Variants in SBNO1 observed in about 807,000 individuals in gnomAD.
SBNO1 encodes the protein protein strawberry notch homolog 1.
In SBNO1, 23 loss-of-function variants were observed where a neutral mutation model predicts 173.6. The observed-to-expected ratio is 0.13, with a 90% CI of 0.10 to 0.19. The LOEUF (loss-of-function observed/expected upper bound fraction) is 0.19. Among genes scored for constraint, SBNO1 ranks in the 10% least tolerant of loss-of-function variants. SBNO1 has a pLI of 1.00. For synonymous variants in SBNO1, 632 were observed against 571.5 expected, an observed-to-expected ratio of 1.11 and a Z score of -1.51; for missense variants, 1,238 against 1,671.2, an observed-to-expected ratio of 0.74 and a Z score of 4.52.
chr12:123,314,676 T>C (rs1183242072), intron 23 of SBNO1, among the ~76,000 whole-genome samples: 2 of 151,528 alleles, frequency 1.3e-5, no homozygotes, highest in Non-Finnish European at 2.9e-5. Context: ...CTTGCCCTAT[T>C]GCCCAGGCTG....
intron 1 of SBNO1, among the ~76,000 whole-genome samples, chr12:123,362,324 T>C (rs1261357795): frequency 6.8e-6 from 1 of 146,828 alleles, no homozygotes; most frequent in Non-Finnish European, 1.5e-5. Context: ...TAATCCCAGC[T>C]ACTTGGGAGG....
intron 16 of SBNO1, among the ~76,000 whole-genome samples, chr12:123,322,194 A>G (rs1350696938): frequency 1.3e-5 from 2 of 152,164 alleles, no homozygotes; most frequent in Non-Finnish European, 2.9e-5. Context: ...GTGCAGTGGC[A>G]CAATCATAGC....
Position 123,336,429 on chromosome 12 carries a change from A to G in SBNO1, c.714T>C (p.His238=), listed in dbSNP as rs766490372. 38 of 1,611,954 alleles carry G rather than the reference A, an allele frequency of 2.4e-5. No individual in the cohort carries two copies. The highest frequency in any genetic ancestry group is 3.1e-5 in the Non-Finnish European group (37 of 1,178,540). ...GCATGTATTCTGCATAGGTTTCTGC[A>G]TGACCCATTTCTTCTTCATCTTCTT... is the stretch of plus-strand genomic sequence containing the variant. ...PEEEDEEEMG[H]AETYAEYMPI... The change falls in exon 6 of 32, where the codon CAT becomes CAC. Residue 238 remains histidine, a synonymous_variant. Coordinates refer to ENST00000602398, the MANE Select transcript of SBNO1 (RefSeq NM_001167856.3).
chr12:123,302,229 G>GAAAAA (rs1555244621), intron 30 of SBNO1, among the ~76,000 whole-genome samples: 2 of 136,356 alleles, frequency 1.5e-5, no homozygotes, highest in East Asian at 2.2e-4. Context: ...CACCACACCT[G>GAAAAA]GCCTTATTGT....
chr12:123,359,795 C>T (rs1210789197), intron 1 of SBNO1, among the ~76,000 whole-genome samples: 1 of 152,068 alleles, frequency 6.6e-6, no homozygotes, highest in Admixed American at 6.6e-5. Flanking sequence ...CAGTGGTATC[C>T]CTAAGGTTGT....
Position 123,364,802 on chromosome 12 carries a change from C to T in SBNO1, c.-102G>A. On this transcript the variant is annotated 5_prime_UTR_variant, in exon 1 of 32. Transcript: ENST00000602398. ...GAGGCGGCGGTGGCGGCGGCAGCAG[C>T]GGCGTCCTGCTCTGCCTACCTCCCC... 1.0e-6 allele frequency: 1 copy of T among 987,408 alleles called. No individual in the cohort carries two copies. Among genetic ancestry groups the T allele is most frequent in the Non-Finnish European group, 1.2e-6 (1 of 831,052 alleles). The allele number at this position is 987,408 out of a possible 1,614,324, so 61.2% of individuals were successfully genotyped here. A position where few individuals can be genotyped will look rare whatever the true frequency, so the allele number is the denominator to read the frequency against.
At chr12:123,354,757 T>A (rs1345843435) in intron 1 of SBNO1, among the ~76,000 whole-genome samples, 1 of 152,192 alleles carries the variant, frequency 6.6e-6, no homozygotes, top group Non-Finnish European at 1.5e-5. Context: ...ACAAGAGAAC[T>A]GTGTTAGTGT....
At chr12:123,344,825 G>C (rs903537910) in intron 4 of SBNO1, among the ~76,000 whole-genome samples, 1 of 152,050 alleles carries the variant, frequency 6.6e-6, no homozygotes, top group Non-Finnish European at 1.5e-5. Flanking sequence ...CTCCAGTCTG[G>C]GTGACAGACT....
At chr12:123,303,043 A>G (rs2048834346) in intron 29 of SBNO1, 143 bp from the exon 30 acceptor site, 2 of 629,164 alleles carry the variant, frequency 3.2e-6, no homozygotes, top group Non-Finnish European at 5.7e-6. Context: ...CTGAATCTGA[A>G]CGCCATTTGA....
intron 30 of SBNO1, 151 bp from the exon 31 acceptor site, chr12:123,298,322 A>G (rs570242100): frequency 4.2e-6 from 3 of 717,290 alleles, no homozygotes; most frequent in South Asian, 1.9e-5. Context: ...ACTGGAGCGC[A>G]GTGGTGCGAT....
chr12:123,359,264 T>G (rs1290100198), intron 1 of SBNO1, among the ~76,000 whole-genome samples: 3 of 149,882 alleles, frequency 2.0e-5, no homozygotes, highest in African/African-American at 4.9e-5. Context: ...TAGCTCAGTA[T>G]AGGCTGAGTG....
At chr12:123,338,154 G>A (rs539980014) in intron 5 of SBNO1, among the ~76,000 whole-genome samples, 1 of 152,318 alleles carries the variant, frequency 6.6e-6, no homozygotes, top group Non-Finnish European at 1.5e-5. Context: ...ACGTGGGCCT[G>A]GGGTTGTCAG....
At chr12:123,354,162 A>T (rs919311220) in intron 1 of SBNO1, among the ~76,000 whole-genome samples, 1 of 152,154 alleles carries the variant, frequency 6.6e-6, no homozygotes. Context: ...GGTTATAAAT[A>T]ACATTATCGG....
Position 123,323,690 on chromosome 12 carries a change from C to A in SBNO1, c.2115G>T (p.Lys705Asn). ...RDSPCKENKI[K>N]KRKGEEITRE... ...TTTTAAAGTGCTCACCTTTCCGCTT[C>A]TTTATTTTATTTTCTTTACAAGGAC... The change falls in exon 16 of 32, where the codon AAG (lysine) becomes AAT (asparagine). Residue 705 changes from lysine (K) to asparagine (N), a missense_variant. By Grantham distance (94) the Lys-to-Asn change is moderately conservative. Coordinates refer to ENST00000602398, the MANE Select transcript of SBNO1 (RefSeq NM_001167856.3). 6.2e-7 allele frequency: 1 copy of A among 1,605,118 alleles called. No homozygotes were observed. Among genetic ancestry groups the A allele is most frequent in the Non-Finnish European group, 8.5e-7 (1 of 1,177,290 alleles).
Position 123,350,373 on chromosome 12 carries a change from G to T in SBNO1, c.69C>A (p.Leu23=). ...CTGCATCTCCACCATCAATATCAAAGAGGTCATTCGGACTAATTCCACTCT... is the reference window on the plus strand; with the variant it reads ...CTGCATCTCCACCATCAATATCAAATAGGTCATTCGGACTAATTCCACTCT... The part of the protein sequence containing the change: ...LSESGISPND[L]FDIDGGDAGL... The change falls in exon 2 of 32, where the codon CTC becomes CTA. Residue 23 remains leucine (L), a synonymous_variant. Coordinates refer to ENST00000602398, the MANE Select transcript of SBNO1 (RefSeq NM_001167856.3). 1 of 1,614,112 alleles carries T rather than the reference G, an allele frequency of 6.2e-7. No individual in the cohort carries two copies. The highest frequency in any genetic ancestry group is 1.7e-5 in the Admixed American group (1 of 60,014).
Position 123,293,511 on chromosome 12 carries a change from C to T in SBNO1, c.*2397G>A, listed in dbSNP as rs915172916. On this transcript the variant is annotated 3_prime_UTR_variant, in exon 32 of 32. Transcript: ENST00000602398. ...GGTGCAACTCTCTGGGTGCTGCACA[C>T]ACCATGACCAGCCTGGGCATGCAGC... 6.6e-6 allele frequency: 1 copy of T among 152,140 alleles called. No individual in the cohort carries two copies. The highest frequency in any genetic ancestry group is 1.5e-5 in the Non-Finnish European group (1 of 68,044). The allele number at this position is 152,140 out of a possible 1,614,324, so 9.4% of individuals were successfully genotyped here. A position where few individuals can be genotyped will look rare whatever the true frequency, so the allele number is the denominator to read the frequency against.
chr12:123,316,590 T>C (rs1299160165), intron 21 of SBNO1, among the ~76,000 whole-genome samples: 3 of 150,096 alleles, frequency 2.0e-5, no homozygotes, highest in African/African-American at 7.4e-5. Flanking sequence ...TGAAATCATA[T>C]CTCACTGCAA....
intron 4 of SBNO1, among the ~76,000 whole-genome samples, chr12:123,343,126 G>C (rs998892453): frequency 2.6e-5 from 4 of 152,160 alleles, no homozygotes; most frequent in Non-Finnish European, 4.4e-5. Context: ...CCAGCTATTT[G>C]GGAGGCTGAA....
At chr12:123,353,605 C>A (rs567782456) in intron 1 of SBNO1, among the ~76,000 whole-genome samples, 22 of 151,546 alleles carry the variant, frequency 1.5e-4, no homozygotes, top group East Asian at 9.7e-4. Flanking sequence ...ACTTTTGATT[C>A]AAAAAAAAGA....
Sources: gnomAD v4.1 joint callset for allele counts (sites outside exome capture counted in the v4.1 genomes callset) on GRCh38, gnomAD v4.1.1 for gene constraint, MANE v1.5 for transcripts, NCBI Gene and HGNC (gene_info 2026-07-23, HGNC 2026-07-21) for gene names.